PRKAR2A: variants seen among roughly 807,000 people sequenced by gnomAD.
PRKAR2A encodes the protein protein kinase cAMP-dependent type II regulatory subunit alpha.
A neutral mutation model predicts 51.9 loss-of-function variants in PRKAR2A; 29 were observed. The observed-to-expected ratio is 0.56, with a 90% CI of 0.42 to 0.76. PRKAR2A has a LOEUF of 0.76. Among genes scored for constraint, PRKAR2A ranks in the 30% least tolerant of loss-of-function variants. The pLI is 0.00. For synonymous variants in PRKAR2A, 178 were observed against 186.2 expected, an observed-to-expected ratio of 0.96 and a Z score of 0.36; for missense variants, 445 against 512.1, an observed-to-expected ratio of 0.87 and a Z score of 1.26.
At chr3:48,794,124 T>G in intron 2 of PRKAR2A, 75 bp from the exon 3 acceptor site, 6 of 1,034,034 alleles carry the variant, frequency 5.8e-6, no homozygotes, top group Non-Finnish European at 7.2e-6. Flanking sequence ...GGAAGTGAAC[T>G]CAATTTTCTT....
downstream of PRKAR2A, among the ~76,000 whole-genome samples, chr3:48,745,068 T>C (rs572162926): frequency 1.3e-5 from 2 of 152,048 alleles, no homozygotes; most frequent in African/African-American, 2.4e-5. Context: ...AGAGACGGGG[T>C]TTCACCATGT....
In PRKAR2A at chr3:48,847,623, G is replaced by A. The variant is rs1403629706; in HGVS notation, c.-27C>T. ...CCGGCGGCGGCCGAAGGGATAGACG[G>A]GTTGGGCCGCCGGCGGCCACTGTCT... On this transcript the variant is annotated 5_prime_UTR_variant, in exon 1 of 11. Transcript: ENST00000265563. This position sits in a 1 kb window ranked among gnomAD's most constrained non-coding sequence, Gnocchi z 4.4. 1 of 1,419,666 alleles carries A rather than the reference G, an allele frequency of 7.0e-7. No homozygotes were observed. Among genetic ancestry groups the A allele is most frequent in the Non-Finnish European group, 9.1e-7 (1 of 1,093,480 alleles). 87.9% of individuals were successfully genotyped at this position (1,419,666 alleles called of 1,614,324 possible).
In PRKAR2A at chr3:48,750,508, T is replaced by A. The variant is rs1451907890; in HGVS notation, c.*1077A>T. ...GAGCCATTGAGCCTGGCCTGAGAAT[T>A]TTCTTTAATTTCAAAAAAATAGCTG... On this transcript the variant is annotated 3_prime_UTR_variant, in exon 11 of 11. Transcript: ENST00000265563. 1 of 152,194 alleles carries A rather than the reference T, an allele frequency of 6.6e-6. No homozygotes were observed. Among genetic ancestry groups the A allele is most frequent in the African/African-American group, 2.4e-5 (1 of 41,444 alleles). 9.4% of individuals were successfully genotyped at this position (152,194 alleles called of 1,614,324 possible). A position where few individuals can be genotyped will look rare whatever the true frequency, so the allele number is the denominator to read the frequency against.
At chr3:48,793,780 C>T (rs2082432279) in intron 3 of PRKAR2A, among the ~76,000 whole-genome samples, 1 of 152,154 alleles carries the variant, frequency 6.6e-6, no homozygotes, top group African/African-American at 2.4e-5. Flanking sequence ...GTGTGAGCCA[C>T]CACGCCCAGC....
intron 8 of PRKAR2A, 41 bp from the exon 9 acceptor site, chr3:48,756,485 T>C (rs750209743): frequency 4.4e-5 from 64 of 1,449,238 alleles, no homozygotes; most frequent in Non-Finnish European, 5.8e-5. Flanking sequence ...ATAAGTAGTA[T>C]TGAAGGGGAA....
At chr3:48,839,908 G>A (rs558637115) in intron 1 of PRKAR2A, among the ~76,000 whole-genome samples, 6 of 152,160 alleles carry the variant, frequency 3.9e-5, no homozygotes, top group African/African-American at 1.4e-4. Context: ...CATTTTAAGT[G>A]TACAATTCAG....
At chr3:48,758,427 CA>C (rs574927561) in intron 8 of PRKAR2A, among the ~76,000 whole-genome samples, 1 of 146,574 alleles carries the variant, frequency 6.8e-6, no homozygotes, top group Non-Finnish European at 1.5e-5. Flanking sequence ...ACCTAAACTA[CA>C]AAAAATTAGC....
At chr3:48,766,738 G>A (rs1443981114) in intron 6 of PRKAR2A, among the ~76,000 whole-genome samples, 1 of 152,148 alleles carries the variant, frequency 6.6e-6, no homozygotes, top group Admixed American at 6.6e-5. Flanking sequence ...AAAATGTCTA[G>A]GACCTGAAAG....
chr3:48,823,313 G>C (rs145510285), intron 1 of PRKAR2A, among the ~76,000 whole-genome samples: 16 of 152,118 alleles, frequency 1.1e-4, no homozygotes, highest in African/African-American at 3.6e-4. Context: ...GTGTCTAAAG[G>C]GGGTGTCGGG....
At chr3:48,790,048 T>A (rs1349259315) in intron 4 of PRKAR2A, among the ~76,000 whole-genome samples, 2 of 152,112 alleles carry the variant, frequency 1.3e-5, no homozygotes, top group East Asian at 3.8e-4. Flanking sequence ...GCTTCTCTTG[T>A]GCTTTGGGGC....
chr3:48,790,966 A>G (rs562640460), intron 3 of PRKAR2A, among the ~76,000 whole-genome samples: 1 of 152,250 alleles, frequency 6.6e-6, no homozygotes, highest in African/African-American at 2.4e-5. Context: ...GAAAAAGTAC[A>G]TCTTTTAATC....
intron 1 of PRKAR2A, among the ~76,000 whole-genome samples, chr3:48,829,876 T>A (rs866854109): frequency 0.054 from 5,634 of 104,258 alleles, 203 homozygotes; most frequent in African/African-American, 0.1. Flanking sequence ...TATATATTTT[T>A]TTTTTTTTTT....
intron 8 of PRKAR2A, among the ~76,000 whole-genome samples, chr3:48,758,424 C>A (rs2081808180): frequency 1.3e-5 from 2 of 148,708 alleles, no homozygotes; most frequent in African/African-American, 2.5e-5. Context: ...TCTACCTAAA[C>A]TACAAAAAAT....
chr3:48,777,593 G>C (rs2082125248), intron 5 of PRKAR2A, among the ~76,000 whole-genome samples: 1 of 152,084 alleles, frequency 6.6e-6, no homozygotes, highest in South Asian at 2.1e-4. Flanking sequence ...TTTTAGTAGA[G>C]ACGGGGTTTC....
intron 1 of PRKAR2A, among the ~76,000 whole-genome samples, chr3:48,843,392 TTG>T (rs2107471418): frequency 6.6e-6 from 1 of 152,314 alleles, no homozygotes; most frequent in South Asian, 2.1e-4. Flanking sequence ...GAAGGGTTTT[TTG>T]TGTCTCTATT....
In PRKAR2A at chr3:48,750,507, TTTTC is replaced by T. The variant is rs1233227027; in HGVS notation, c.*1074_*1077del. On this transcript the variant is annotated 3_prime_UTR_variant, in exon 11 of 11. Coordinates refer to ENST00000265563, the MANE Select transcript of PRKAR2A (RefSeq NM_004157.4). Reference sequence around the variant, plus strand: ...TGAGCCATTGAGCCTGGCCTGAGAATTTTCTTTAATTTCAAAAAAATAGCTGCTG... The same window carrying T: ...TGAGCCATTGAGCCTGGCCTGAGAATTTTAATTTCAAAAAAATAGCTGCTG... 1 of 152,210 alleles carries T rather than the reference TTTTC, an allele frequency of 6.6e-6. No homozygotes were observed. Among genetic ancestry groups the T allele is most frequent in the Non-Finnish European group, 1.5e-5 (1 of 68,048 alleles). The allele number at this position is 152,210 out of a possible 1,614,324, so 9.4% of individuals were successfully genotyped here. A position where few individuals can be genotyped will look rare whatever the true frequency, so the allele number is the denominator to read the frequency against.
At chr3:48,755,851 T>A (rs889051598) in intron 9 of PRKAR2A, among the ~76,000 whole-genome samples, 1 of 150,706 alleles carries the variant, frequency 6.6e-6, no homozygotes, top group African/African-American at 2.4e-5. Context: ...CGATCTCAGC[T>A]GACTGCAAGC....
chr3:48,754,259 C>G lies in PRKAR2A; in HGVS notation c.940-1942G>C, dbSNP rs1297057098. Among the ~76,000 whole-genome samples, 4 of 137,100 alleles carry G rather than the reference C, an allele frequency of 2.9e-5. No individual in the cohort carries two copies. The Admixed American group carries it at 3.0e-4, about 10-fold the overall frequency. The allele number at this position is 137,100 out of a possible 152,430, so 89.9% of individuals were successfully genotyped here. ...CTTTTTTCTTTTTTTTTTTTTGAGACAGAGTTTGGCTCTTGTTGCCCAGGC... is the reference window on the plus strand; with the variant it reads ...CTTTTTTCTTTTTTTTTTTTTGAGAGAGAGTTTGGCTCTTGTTGCCCAGGC... On this transcript the variant is annotated intron_variant, in intron 9 of 10. Coordinates refer to ENST00000265563, the MANE Select transcript of PRKAR2A (RefSeq NM_004157.4).
At chr3:48,837,010 C>T (rs974077891) in intron 1 of PRKAR2A, among the ~76,000 whole-genome samples, 1 of 151,922 alleles carries the variant, frequency 6.6e-6, no homozygotes, top group African/African-American at 2.4e-5. Flanking sequence ...TGCCTGTAGT[C>T]CTAGCTACTT....
Sources: gnomAD v4.1 joint callset for allele counts (sites outside exome capture counted in the v4.1 genomes callset) on GRCh38, gnomAD v4.1.1 for gene constraint, Gnocchi (gnomAD v3.1) non-coding constraint, MANE v1.5 for transcripts, NCBI Gene and HGNC (gene_info 2026-07-23, HGNC 2026-07-21) for gene names.